Variants in DDX46 observed in about 807,000 individuals in gnomAD.
The protein encoded by DDX46 is probable ATP-dependent RNA helicase DDX46.
Under a neutral mutation model 134.9 loss-of-function variants are expected in DDX46, and 30 were observed. The ratio of observed to expected loss-of-function variants is 0.22; its 90% CI spans 0.17 to 0.30. The LOEUF (loss-of-function observed/expected upper bound fraction) is 0.30, where lower values mean the gene tolerates loss of function less well. Ranked by LOEUF, DDX46 falls within the 10% of genes least tolerant of loss-of-function variation. The pLI, the probability that DDX46 is intolerant of heterozygous loss-of-function variation, is 1.00. For synonymous variants in DDX46, 415 were observed against 404.1 expected, an observed-to-expected ratio of 1.03 and a Z score of -0.32; for missense variants, 622 against 1,248.7, an observed-to-expected ratio of 0.50 and a Z score of 7.56.
Position 134,828,670 on chromosome 5 carries a change from C to T in DDX46, c.3063C>T (p.Tyr1021=). Residue 1021 remains tyrosine, a synonymous_variant, in exon 23 of 23, where the codon TAC becomes TAT. Transcript: ENST00000452510. ...ATTTCCTATTACAGCAAAATTCATA[C>T]CAACCAACAAATAAAGGAAGATACA... ...KEELIRLQNS[Y]QPTNKGRYKV... 6.6e-7 allele frequency: 1 copy of T among 1,517,302 alleles called. No homozygotes were observed. The highest frequency in any genetic ancestry group is 8.8e-7 in the Non-Finnish European group (1 of 1,137,912). The allele number at this position is 1,517,302 out of a possible 1,614,324, so 94.0% of individuals were successfully genotyped here.
intron 9 of DDX46, among the ~76,000 whole-genome samples, chr5:134,783,907 A>G (rs1448076390): frequency 6.8e-6 from 1 of 146,368 alleles, no homozygotes; most frequent in African/African-American, 2.5e-5. Context: ...CTGGTCTCCA[A>G]CTCCTGGCCC....
intron 20 of DDX46, 147 bp downstream of exon 20, chr5:134,817,861 A>T: frequency 1.5e-6 from 1 of 675,430 alleles, no homozygotes; most frequent in South Asian, 2.0e-5. Context: ...TTTGATTTTT[A>T]TGAGTATGTT....
chr5:134,768,631 T>G (rs540458520), intron 3 of DDX46, among the ~76,000 whole-genome samples: 1 of 151,988 alleles, frequency 6.6e-6, no homozygotes, highest in South Asian at 2.1e-4. Flanking sequence ...AAAGCACCAA[T>G]TATAAAGGAG....
At chr5:134,801,338 T>C (rs1754822391) in intron 15 of DDX46, among the ~76,000 whole-genome samples, 1 of 152,146 alleles carries the variant, frequency 6.6e-6, no homozygotes, top group Admixed American at 6.5e-5. Flanking sequence ...TGGCTTTTTT[T>C]TACTCAGCTT....
At chr5:134,761,459 A>G (rs919152979) in intron 1 of DDX46, among the ~76,000 whole-genome samples, 2 of 152,248 alleles carry the variant, frequency 1.3e-5, no homozygotes, top group African/African-American at 4.8e-5. Context: ...TTGGGTTTCT[A>G]CAGATTGAAC....
chr5:134,796,380 ATGGAGGAATTGAATTTAACTT>A (rs1195076198), intron 15 of DDX46, among the ~76,000 whole-genome samples: 1 of 152,230 alleles, frequency 6.6e-6, no homozygotes, highest in African/African-American at 2.4e-5. Flanking sequence ...TTTATCAACT[ATGGAGGAATTGAATTTAACTT>A]TTCTCTGTGT....
rs565478021 is a variant in DDX46 at position 134,803,055 on chromosome 5, C to T, written c.1955-4693C>T. Reference sequence around the variant, plus strand: ...CTGTCTCCCAGGCTGTGTGCAGTGGCGTGATCTCAGCTCACTGGACCTCCA... The same window carrying T: ...CTGTCTCCCAGGCTGTGTGCAGTGGTGTGATCTCAGCTCACTGGACCTCCA... On this transcript the variant is annotated intron_variant, in intron 15 of 22. Coordinates refer to ENST00000452510, the MANE Select transcript of DDX46 (RefSeq NM_001300860.2). 1.7e-4 allele frequency among the ~76,000 whole-genome samples: 26 copies of T among 152,148 alleles called. 1 individual carries two copies. Among genetic ancestry groups the T allele is most frequent in the South Asian group, 6.2e-4 (3 of 4,820 alleles).
At chr5:134,774,580 A>G (rs1753875817) in intron 5 of DDX46, among the ~76,000 whole-genome samples, 1 of 152,258 alleles carries the variant, frequency 6.6e-6, no homozygotes, top group Non-Finnish European at 1.5e-5. Context: ...AGAATGAATC[A>G]TTGAGTGTTA....
chr5:134,827,891 C>A (rs935979677), intron 22 of DDX46, among the ~76,000 whole-genome samples: 9 of 152,018 alleles, frequency 5.9e-5, no homozygotes, highest in Non-Finnish European at 5.9e-5. Context: ...GGGTATATAC[C>A]TCGGAGTAGA....
At chr5:134,776,913 C>CAA (rs59477051) in intron 5 of DDX46, among the ~76,000 whole-genome samples, 22 of 78,148 alleles carry the variant, frequency 2.8e-4, no homozygotes, top group Non-Finnish European at 3.9e-4. Flanking sequence ...GACTCTGTCT[C>CAA]AAAAAAAAAA....
At chr5:134,811,622 ATATT>A (rs1285175766) in intron 17 of DDX46, 70 bp from the exon 18 acceptor site, 2 of 1,473,388 alleles carry the variant, frequency 1.4e-6, no homozygotes, top group South Asian at 1.4e-5. Flanking sequence ...ACCTTGAAAA[ATATT>A]TAATTAGTAT....
rs1755137535 is a variant in DDX46 at position 134,811,374 on chromosome 5, A to G, written c.2286+16A>G. The G allele has an allele frequency of 6.2e-6, 10 of 1,611,824 alleles. No individual in the cohort carries two copies. Among genetic ancestry groups the G allele is most frequent in the African/African-American group, 1.3e-5 (1 of 74,816 alleles). The stretch of plus-strand genomic sequence containing the variant: ...GCAGAAAGCTGTGAGTTTTTAACCC[A>G]TGTTACTCTTCTAGAAATCATTAAT... On this transcript the variant is annotated intron_variant, in intron 17 of 22. Transcript: ENST00000452510.
chr5:134,802,033 C>T (rs146754770), intron 15 of DDX46, among the ~76,000 whole-genome samples: 42 of 151,904 alleles, frequency 2.8e-4, no homozygotes, highest in Admixed American at 1.3e-3. Flanking sequence ...TCTTTCCTGC[C>T]TTATTCTCTC....
chr5:134,768,320 C>A (rs1325548277), intron 3 of DDX46, among the ~76,000 whole-genome samples: 2 of 151,668 alleles, frequency 1.3e-5, no homozygotes, highest in African/African-American at 4.8e-5. Flanking sequence ...CCGTGTTAGC[C>A]AGAATGGTCT....
intron 5 of DDX46, among the ~76,000 whole-genome samples, chr5:134,774,914 C>A (rs920216607): frequency 2.8e-4 from 43 of 152,018 alleles, no homozygotes; most frequent in Non-Finnish European, 2.5e-4. Context: ...GCAGTCTCCG[C>A]CTCCCAGGTT....
intron 11 of DDX46, among the ~76,000 whole-genome samples, chr5:134,787,547 T>G (rs1561861626): frequency 6.6e-6 from 1 of 152,236 alleles, no homozygotes; most frequent in Non-Finnish European, 1.5e-5. Flanking sequence ...TTCAAATTAC[T>G]TCATTTTCTA....
chr5:134,769,633 C>T (rs1006926849), intron 3 of DDX46, among the ~76,000 whole-genome samples: 19 of 151,572 alleles, frequency 1.3e-4, no homozygotes, highest in Admixed American at 6.6e-4. Flanking sequence ...CTCCGCCTCC[C>T]GAGTTCAAGT....
intron 15 of DDX46, chr5:134,797,191 A>AAAAAC (rs1754689251): frequency 6.9e-6 from 2 of 290,296 alleles, no homozygotes; most frequent in South Asian, 3.4e-5. Context: ...AAAAAAAAAA[A>AAAAAC]AAAAAACACA....
chr5:134,807,881 C>T lies in DDX46; in HGVS notation c.2088C>T (p.Cys696=), dbSNP rs150266459. ...KHLILVVNYS[C]PNHYEDYVHR... Reference sequence around the variant, plus strand: ...TGATTCTTGTAGTAAATTATAGCTGCCCCAACCATTATGAGGATTATGTAC... The same window carrying T: ...TGATTCTTGTAGTAAATTATAGCTGTCCCAACCATTATGAGGATTATGTAC... The change falls in exon 16 of 23, where the codon TGC becomes TGT. Residue 696 remains cysteine (C), a synonymous_variant. Transcript: ENST00000452510. The T allele has an allele frequency of 6.5e-4, 1,045 of 1,614,142 alleles. 4 individuals carry two copies. In the African/African-American group the frequency reaches 0.012, roughly 18 times the overall value.
Sources: allele counts gnomAD v4.1 joint callset (sites outside exome capture counted in the v4.1 genomes callset), GRCh38; gene constraint gnomAD v4.1.1; transcripts MANE v1.5; gene names NCBI Gene and HGNC (gene_info 2026-07-23, HGNC 2026-07-21).